CLPB: variants seen among roughly 807,000 people sequenced by gnomAD.
The protein encoded by CLPB is ClpB family mitochondrial disaggregase.
A neutral mutation model predicts 78.4 loss-of-function variants in CLPB; 40 were observed. That is an observed-to-expected ratio of 0.51 (90% CI 0.40 to 0.66). CLPB has a LOEUF of 0.66. Ranked by LOEUF, CLPB falls within the 30% of genes least tolerant of loss-of-function variation. CLPB has a pLI of 0.00. For synonymous variants in CLPB, 333 were observed against 348.0 expected (o/e 0.96, Z 0.48); for missense variants, 780 against 886.9 (o/e 0.88, Z 1.53).
At chr11:72,398,802 T>G (rs1253358277) in intron 3 of CLPB, among the ~76,000 whole-genome samples, 3 of 152,294 alleles carry the variant, frequency 2.0e-5, no homozygotes, top group Admixed American at 2.0e-4. Flanking sequence ...CTTGAGTCAA[T>G]ACTATACCCA....
intron 4 of CLPB, among the ~76,000 whole-genome samples, chr11:72,375,907 G>A (rs761457901): frequency 2.6e-5 from 4 of 152,120 alleles, no homozygotes; most frequent in Non-Finnish European, 4.4e-5. Context: ...ATACTGATAC[G>A]GAAGAAAAGG....
At chr11:72,299,947 T>C (rs569387728) in intron 11 of CLPB, among the ~76,000 whole-genome samples, 1 of 152,290 alleles carries the variant, frequency 6.6e-6, no homozygotes, top group South Asian at 2.1e-4. Context: ...AGTTGCCTTC[T>C]GTTTTTTGGG....
chr11:72,433,190 C>T (rs1234424826), intron 1 of CLPB, among the ~76,000 whole-genome samples: 1 of 152,166 alleles, frequency 6.6e-6, no homozygotes, highest in Middle Eastern at 3.2e-3. Flanking sequence ...GACTGACAGA[C>T]TCAGGCCGCT....
At chr11:72,361,140 T>C (rs572934524) in intron 4 of CLPB, among the ~76,000 whole-genome samples, 1 of 152,332 alleles carries the variant, frequency 6.6e-6, no homozygotes, top group East Asian at 1.9e-4. Context: ...GCATTTCAAA[T>C]GTTTGGCCAA....
chr11:72,398,850 G>C (rs574272125), intron 3 of CLPB, among the ~76,000 whole-genome samples: 52 of 152,312 alleles, frequency 3.4e-4, no homozygotes, highest in African/African-American at 6.3e-4. Context: ...TGTCCTAGTA[G>C]AATGTTGGTA....
intron 2 of CLPB, among the ~76,000 whole-genome samples, chr11:72,426,271 G>A (rs545177520): frequency 7.2e-5 from 11 of 152,300 alleles, no homozygotes; most frequent in South Asian, 4.1e-4. Flanking sequence ...GATCTCCACC[G>A]GGAGAACAGG....
At chr11:72,380,070 CCCAA>C (rs755603585) in intron 4 of CLPB, among the ~76,000 whole-genome samples, 1 of 151,996 alleles carries the variant, frequency 6.6e-6, no homozygotes, top group African/African-American at 2.4e-5. Context: ...TATTTCTTTC[CCCAA>C]GACTTCTTTT....
In CLPB at chr11:72,329,756, T is replaced by A; in HGVS notation, c.824A>T (p.Tyr275Phe). The change falls in exon 6 of 16, where the codon TAT becomes TTT. Residue 275 changes from tyrosine (Y) to phenylalanine (F), a missense_variant. Around this residue, in one of 3 missense-constraint regions of CLPB, gnomAD observed 417 missense variants for 414.7 expected, o/e 1.01. Transcript: ENST00000538039. ...RNEMGHTPLDYAREGEVMKLL... is the reference protein window; with the variant it reads ...RNEMGHTPLDFAREGEVMKLL... ...CTTCATCACTTCCCCTTCTCGGGCA[T>A]AATCCAAGGGTGTGTGTCCCATTTC... The A allele has an allele frequency of 6.2e-7, 1 of 1,614,050 alleles. No individual in the cohort carries two copies. The highest frequency in any genetic ancestry group is 1.3e-5 in the African/African-American group (1 of 75,030).
At position 72,418,001 on chromosome 11, in the gene CLPB, TCAAA is replaced by T. The variant is rs759071972; in HGVS notation, c.455+12307_455+12310del. On this transcript the variant is annotated intron_variant, in intron 2 of 15. Transcript: ENST00000538039. ...CGCAGGAGGCCTGGGTGCTATCCCT[TCAAA>T]CAAAAGGGCATTGAGATGGAAGCCT... Among the ~76,000 whole-genome samples, 3 of 152,270 alleles carry T rather than the reference TCAAA, an allele frequency of 2.0e-5. No homozygotes were observed. In the South Asian group the frequency reaches 6.2e-4, roughly 32 times the overall value.
intron 5 of CLPB, among the ~76,000 whole-genome samples, chr11:72,355,856 A>G (rs572304888): frequency 6.6e-6 from 1 of 152,346 alleles, no homozygotes; most frequent in African/African-American, 2.4e-5. Context: ...CCTGAGGACT[A>G]AGTAATTTCA....
intron 5 of CLPB, among the ~76,000 whole-genome samples, chr11:72,343,072 G>A (rs1201635922): frequency 2.6e-5 from 4 of 152,210 alleles, no homozygotes; most frequent in African/African-American, 9.7e-5. Context: ...GAGAAGAGGG[G>A]TTATCAAGAG....
chr11:72,386,806 A>C (rs919837979), intron 3 of CLPB, among the ~76,000 whole-genome samples: 1 of 152,232 alleles, frequency 6.6e-6, no homozygotes, highest in Admixed American at 6.5e-5. Flanking sequence ...TAAGCAGCTA[A>C]AATCTATGTC....
chr11:72,338,872 A>G (rs1227048178), intron 5 of CLPB, among the ~76,000 whole-genome samples: 30 of 152,212 alleles, frequency 2.0e-4, no homozygotes, highest in Non-Finnish European at 1.5e-5. Flanking sequence ...AATCAGGTAC[A>G]ATTAGGCCAA....
chr11:72,384,935 C>T (rs1468442789), intron 3 of CLPB, among the ~76,000 whole-genome samples: 1 of 152,136 alleles, frequency 6.6e-6, no homozygotes, highest in Non-Finnish European at 1.5e-5. Context: ...ATAGACTATA[C>T]TACAGAAACA....
At chr11:72,331,571 T>G (rs1161714799) in intron 5 of CLPB, among the ~76,000 whole-genome samples, 1 of 3,542 alleles carries the variant, frequency 2.8e-4, no homozygotes, top group Admixed American at 4.0e-3. Context: ...TTCTTTTCTG[T>G]TTTTTTTTTT....
Position 72,366,089 on chromosome 11 carries a change from A to G in CLPB, c.647-7081T>C, listed in dbSNP as rs559353121. ...TAATTAAATGAAAGAGCTTCTGCAC[A>G]GCAAAACAAACTATCAACAGAGTAA... On this transcript the variant is annotated intron_variant, in intron 4 of 15. Coordinates refer to ENST00000538039, the MANE Select transcript of CLPB (RefSeq NM_001258392.3). 1.2e-4 allele frequency among the ~76,000 whole-genome samples: 18 copies of G among 152,390 alleles called. No homozygotes were observed. The East Asian group carries it at 2.1e-3, about 18-fold the overall frequency.
chr11:72,393,346 C>A lies in CLPB; in HGVS notation c.542+9620G>T, dbSNP rs372507180. Among the ~76,000 whole-genome samples, 18 of 152,170 alleles carry A rather than the reference C, an allele frequency of 1.2e-4. No homozygotes were observed. The East Asian group carries it at 1.3e-3, about 11-fold the overall frequency. ...ATGGGGCTGGCATATCTCTTAGACTCGGGTGAAAATAACAACAAAAAGAAA... is the reference window on the plus strand; with the variant it reads ...ATGGGGCTGGCATATCTCTTAGACTAGGGTGAAAATAACAACAAAAAGAAA... On this transcript the variant is annotated intron_variant, in intron 3 of 15. Transcript: ENST00000538039.
Position 72,289,079 on chromosome 11 carries a change from TG to T in CLPB, c.*4287del, listed in dbSNP as rs938968494. Reference sequence around the variant, plus strand: ...CTAATTTTTGTATTTTTAGTAGAGATGGGGTTTCACCATGTTGGTCAGGATG... The same window carrying T: ...CTAATTTTTGTATTTTTAGTAGAGATGGGTTTCACCATGTTGGTCAGGATG... On this transcript the variant is annotated 3_prime_UTR_variant, in exon 16 of 16. Coordinates refer to ENST00000538039, the MANE Select transcript of CLPB (RefSeq NM_001258392.3). 3 of 152,032 alleles carry T rather than the reference TG, an allele frequency of 2.0e-5. No homozygotes were observed. The highest frequency in any genetic ancestry group is 7.3e-5 in the African/African-American group (3 of 41,352). The allele number at this position is 152,032 out of a possible 1,614,324, so 9.4% of individuals were successfully genotyped here. A position where few individuals can be genotyped will look rare whatever the true frequency, so the allele number is the denominator to read the frequency against.
chr11:72,295,340 G>A (rs1949531251), intron 12 of CLPB, 152 bp downstream of exon 12: 4 of 741,182 alleles, frequency 5.4e-6, no homozygotes, highest in Admixed American at 2.9e-5. Flanking sequence ...CCCACTACTT[G>A]GTATGGTGTC....
Sources: gnomAD v4.1 joint callset for allele counts (sites outside exome capture counted in the v4.1 genomes callset) on GRCh38, gnomAD v4.1.1 for gene constraint, gnomAD v4.1.1 regional missense constraint, MANE v1.5 for transcripts, NCBI Gene and HGNC (gene_info 2026-07-23, HGNC 2026-07-21) for gene names.